Variants in ARHGAP24 observed in about 807,000 individuals in gnomAD.
ARHGAP24 encodes rho GTPase-activating protein 24.
Under a neutral mutation model 76.4 loss-of-function variants are expected in ARHGAP24, and 50 were observed. The ratio of observed to expected loss-of-function variants is 0.65; its 90% CI spans 0.52 to 0.83. The LOEUF is 0.83. ARHGAP24 is among the 40% of genes least tolerant of loss of function. The probability of loss-of-function intolerance (pLI) is 0.00; values close to 1 mark genes in which losing one functional copy is unlikely to be tolerated. For synonymous variants in ARHGAP24, 345 were observed against 323.3 expected, an observed-to-expected ratio of 1.07 and a Z score of -0.72; for missense variants, 930 against 914.2, an observed-to-expected ratio of 1.02 and a Z score of -0.22.
intron 3 of ARHGAP24, among the ~76,000 whole-genome samples, chr4:85,855,713 G>A (rs1251727629): frequency 1.3e-5 from 2 of 151,770 alleles, no homozygotes; most frequent in East Asian, 3.9e-4. Context: ...AGGAGGTGGA[G>A]GTTGCAGTGA....
At chr4:85,625,038 A>G (rs977224369) in intron 2 of ARHGAP24, among the ~76,000 whole-genome samples, 77 of 152,038 alleles carry the variant, frequency 5.1e-4, no homozygotes, top group African/African-American at 1.6e-3. Flanking sequence ...TGAATTCATT[A>G]ATTTTTTGAA....
At chr4:85,685,300 C>G (rs934991923) in intron 2 of ARHGAP24, among the ~76,000 whole-genome samples, 3 of 152,204 alleles carry the variant, frequency 2.0e-5, no homozygotes, top group Admixed American at 2.0e-4. Flanking sequence ...CCTCTGGCCT[C>G]TAATTTCCTT....
intron 3 of ARHGAP24, among the ~76,000 whole-genome samples, chr4:85,867,477 A>G (rs1357340117): frequency 6.6e-6 from 1 of 152,144 alleles, no homozygotes; most frequent in Non-Finnish European, 1.5e-5. Context: ...GACAAACTCT[A>G]CTTAGTCTGG....
At chr4:85,731,023 C>CAG (rs1560605998) in intron 3 of ARHGAP24, among the ~76,000 whole-genome samples, 4 of 109,476 alleles carry the variant, frequency 3.7e-5, no homozygotes, top group African/African-American at 1.2e-4. Flanking sequence ...CACACACACA[C>CAG]ACACAGAGAG....
chr4:85,564,954 A>G (rs868695975), intron 1 of ARHGAP24, among the ~76,000 whole-genome samples: 1 of 125,134 alleles, frequency 8.0e-6, no homozygotes, highest in Admixed American at 7.6e-5. Flanking sequence ...ATATATATAT[A>G]TATATATATA....
intron 3 of ARHGAP24, among the ~76,000 whole-genome samples, chr4:85,872,986 A>T (rs903815406): frequency 6.6e-6 from 1 of 152,166 alleles, no homozygotes; most frequent in Non-Finnish European, 1.5e-5. Flanking sequence ...TTGATTGGGA[A>T]AGCATCATTA....
intron 1 of ARHGAP24, among the ~76,000 whole-genome samples, chr4:85,517,459 T>A (rs10026535): frequency 0.34 from 51,074 of 152,030 alleles, 9,592 homozygotes; most frequent in East Asian, 0.82. Flanking sequence ...TTTAACAATT[T>A]AAAATTTTTT....
intron 3 of ARHGAP24, among the ~76,000 whole-genome samples, chr4:85,839,199 TAA>T (rs1237259531): frequency 2.6e-5 from 4 of 152,212 alleles, no homozygotes; most frequent in African/African-American, 9.7e-5. Flanking sequence ...TTTTAAACAT[TAA>T]AAAGAGTAAT....
At chr4:85,659,847 A>G (rs1578117840) in intron 2 of ARHGAP24, among the ~76,000 whole-genome samples, 1 of 152,304 alleles carries the variant, frequency 6.6e-6, no homozygotes, top group East Asian at 1.9e-4. Context: ...CAGGGGTAGT[A>G]CCACACACTT....
chr4:85,506,559 G>A (rs1256161960), intron 1 of ARHGAP24, among the ~76,000 whole-genome samples: 5 of 149,416 alleles, frequency 3.3e-5, no homozygotes, highest in South Asian at 4.1e-4. Flanking sequence ...GCCAGGCACA[G>A]AAGAAAATCT....
chr4:85,613,386 AT>A (rs1315974305), intron 2 of ARHGAP24, among the ~76,000 whole-genome samples: 2 of 152,204 alleles, frequency 1.3e-5, no homozygotes, highest in Admixed American at 1.3e-4. Flanking sequence ...AAAGTCTTAA[AT>A]TTATTAAATG....
At chr4:85,941,898 G>A (rs1276293895) in intron 4 of ARHGAP24, among the ~76,000 whole-genome samples, 168 bp from the exon 5 acceptor site, 2 of 152,090 alleles carry the variant, frequency 1.3e-5, no homozygotes, top group Non-Finnish European at 2.9e-5. Context: ...TACCATTTGA[G>A]GAATTGTATA....
chr4:85,657,196 C>G (rs758783128), intron 2 of ARHGAP24, among the ~76,000 whole-genome samples: 3 of 152,072 alleles, frequency 2.0e-5, no homozygotes, highest in Non-Finnish European at 4.4e-5. Context: ...ATTTCTTCAT[C>G]TCCCCAAGCC....
chr4:85,566,148 A>G (rs1055040508), intron 1 of ARHGAP24, among the ~76,000 whole-genome samples: 7 of 152,208 alleles, frequency 4.6e-5, no homozygotes, highest in African/African-American at 1.7e-4. Context: ...TTTAGTTTGG[A>G]ATAACTGTTT....
At chr4:85,858,964 C>T (rs1731732406) in intron 3 of ARHGAP24, among the ~76,000 whole-genome samples, 1 of 151,776 alleles carries the variant, frequency 6.6e-6, no homozygotes. Context: ...AATGCCTGAA[C>T]CTCAGGTACA....
At chr4:85,872,181 T>C (rs992340777) in intron 3 of ARHGAP24, among the ~76,000 whole-genome samples, 1 of 152,128 alleles carries the variant, frequency 6.6e-6, no homozygotes, top group Non-Finnish European at 1.5e-5. Flanking sequence ...GAAAACTTTT[T>C]ATCTTTCACA....
At chr4:85,685,648 G>C (rs200280155) in intron 2 of ARHGAP24, among the ~76,000 whole-genome samples, 3 of 140,234 alleles carry the variant, frequency 2.1e-5, no homozygotes, top group Admixed American at 7.1e-5. Flanking sequence ...AAAAAAAAAA[G>C]AAAAGAAAAA....
At chr4:85,704,822 T>C (rs1724246469) in intron 2 of ARHGAP24, among the ~76,000 whole-genome samples, 2 of 152,254 alleles carry the variant, frequency 1.3e-5, no homozygotes, top group Admixed American at 6.5e-5. Context: ...GTAGGGCTTA[T>C]TAAAGATTTT....
chr4:85,519,605 A>C (rs17387199), intron 1 of ARHGAP24, among the ~76,000 whole-genome samples: 38,881 of 152,128 alleles, frequency 0.26, 6,687 homozygotes, highest in East Asian at 0.79. Flanking sequence ...AAAATTATAA[A>C]GTCCACTATG....
Sources: gnomAD v4.1 joint callset for allele counts (sites outside exome capture counted in the v4.1 genomes callset) on GRCh38, gnomAD v4.1.1 for gene constraint, MANE v1.5 for transcripts, NCBI Gene and HGNC (gene_info 2026-07-23, HGNC 2026-07-21) for gene names.